TAFA2: variants seen among roughly 807,000 people sequenced by gnomAD.
TAFA2 encodes chemokine-like protein TAFA-2.
In TAFA2, 7 loss-of-function variants were observed where a neutral mutation model predicts 18.8. The ratio of observed to expected loss-of-function variants is 0.37; its 90% CI spans 0.21 to 0.70. The LOEUF is 0.70. Among genes scored for constraint, TAFA2 ranks in the 30% least tolerant of loss-of-function variants. The pLI is 0.53. For missense variants in TAFA2, 122 were observed against 158.1 expected, an observed-to-expected ratio of 0.77 and a Z score of 1.23; for synonymous variants, 60 against 54.2, an observed-to-expected ratio of 1.11 and a Z score of -0.47.
rs540047507 is a variant in TAFA2 at position 61,904,460 on chromosome 12, G to A, written c.-1-37034C>T. On this transcript the variant is annotated intron_variant, in intron 1 of 4. Transcript: ENST00000416284. Reference sequence around the variant, plus strand: ...ATGTTTCCTTCATGAAATATTCTTGGAGCAACCACTCTCCCAGGTGCTGTG... The same window carrying A: ...ATGTTTCCTTCATGAAATATTCTTGAAGCAACCACTCTCCCAGGTGCTGTG... Among the ~76,000 whole-genome samples the A allele has an allele frequency of 1.3e-4, 20 of 152,204 alleles. No individual in the cohort carries two copies. In the South Asian group the frequency reaches 4.2e-3, roughly 32 times the overall value.
At chr12:61,911,384 C>T (rs1876605697) in intron 1 of TAFA2, among the ~76,000 whole-genome samples, 1 of 152,182 alleles carries the variant, frequency 6.6e-6, no homozygotes, top group African/African-American at 2.4e-5. Flanking sequence ...TTATCTTACA[C>T]TCATTATTCC....
At chr12:62,054,888 TA>T (rs1419425571) in intron 1 of TAFA2, among the ~76,000 whole-genome samples, 1 of 152,216 alleles carries the variant, frequency 6.6e-6, no homozygotes, top group African/African-American at 2.4e-5. Flanking sequence ...TTTAAAACAG[TA>T]TTTTTTTATC....
chr12:61,815,837 T>A (rs945693644), intron 2 of TAFA2, among the ~76,000 whole-genome samples: 1 of 151,322 alleles, frequency 6.6e-6, no homozygotes, highest in African/African-American at 2.5e-5. Context: ...ATTGTGCATC[T>A]GCTTTTCTAA....
intron 1 of TAFA2, among the ~76,000 whole-genome samples, chr12:61,912,411 A>G (rs1174896188): frequency 6.6e-6 from 1 of 152,186 alleles, no homozygotes; most frequent in Non-Finnish European, 1.5e-5. Context: ...ACATTGTGAA[A>G]ATTAGTTTCA....
chr12:61,865,603 T>C (rs1874320504), intron 2 of TAFA2, among the ~76,000 whole-genome samples: 1 of 152,212 alleles, frequency 6.6e-6, no homozygotes, highest in South Asian at 2.1e-4. Context: ...TCAAGGACTA[T>C]TTTCTTGGCA....
At chr12:61,765,019 C>T (rs1005162984) in intron 2 of TAFA2, among the ~76,000 whole-genome samples, 2 of 152,046 alleles carry the variant, frequency 1.3e-5, no homozygotes, top group African/African-American at 2.4e-5. Context: ...AGGTTCAAGT[C>T]CCAGCTTTAG....
At chr12:61,934,827 C>T (rs193044681) in intron 1 of TAFA2, among the ~76,000 whole-genome samples, 71 of 152,222 alleles carry the variant, frequency 4.7e-4, no homozygotes, top group African/African-American at 1.5e-3. Flanking sequence ...AGTAAATAGA[C>T]CAAAGTCTAA....
chr12:61,921,343 T>G (rs1244500818), intron 1 of TAFA2, among the ~76,000 whole-genome samples: 1 of 152,102 alleles, frequency 6.6e-6, no homozygotes, highest in Non-Finnish European at 1.5e-5. Flanking sequence ...TGATGAGAAG[T>G]GTCCACTTAC....
intron 2 of TAFA2, among the ~76,000 whole-genome samples, chr12:61,802,584 T>C (rs919028009): frequency 6.6e-6 from 1 of 151,830 alleles, no homozygotes; most frequent in Non-Finnish European, 1.5e-5. Context: ...AGTAGAACTG[T>C]GGTTATCAAG....
intron 1 of TAFA2, among the ~76,000 whole-genome samples, chr12:61,936,385 G>A (rs532010745): frequency 6.6e-6 from 1 of 151,928 alleles, no homozygotes; most frequent in African/African-American, 2.4e-5. Context: ...TCACCAACAT[G>A]GTGAAACCCT....
chr12:61,799,715 G>C (rs200003282), intron 2 of TAFA2, among the ~76,000 whole-genome samples: 3 of 152,082 alleles, frequency 2.0e-5, no homozygotes, highest in Admixed American at 2.0e-4. Flanking sequence ...CCAGCTACTC[G>C]GGAGGCTGAG....
At chr12:62,010,385 T>G (rs939766385) in intron 1 of TAFA2, among the ~76,000 whole-genome samples, 29 of 152,142 alleles carry the variant, frequency 1.9e-4, no homozygotes, top group Non-Finnish European at 4.0e-4. Flanking sequence ...CTCCGGCTCC[T>G]GACCTCGAGT....
intron 2 of TAFA2, among the ~76,000 whole-genome samples, chr12:61,864,321 A>G (rs570736765): frequency 4.5e-4 from 68 of 150,914 alleles, no homozygotes; most frequent in African/African-American, 1.6e-3. Context: ...TAGGATCATC[A>G]GATAGAAATA....
chr12:61,910,667 G>C (rs1355708766), intron 1 of TAFA2, among the ~76,000 whole-genome samples: 2 of 152,202 alleles, frequency 1.3e-5, no homozygotes, highest in Non-Finnish European at 2.9e-5. Flanking sequence ...TTGTAGGCTG[G>C]TCAAAATAAC....
At chr12:62,008,857 A>C (rs1207464276) in intron 1 of TAFA2, among the ~76,000 whole-genome samples, 1 of 152,280 alleles carries the variant, frequency 6.6e-6, no homozygotes, top group Non-Finnish European at 1.5e-5. Flanking sequence ...GAGAGAACTG[A>C]CCTTTGAAAG....
At chr12:62,215,746 CA>C (rs200803405) in intron 1 of TAFA2, among the ~76,000 whole-genome samples, 1,582 of 72,472 alleles carry the variant, frequency 0.022, 48 homozygotes, top group African/African-American at 0.067. Context: ...ACTTGTTTCT[CA>C]AAAAAAAAAA....
chr12:61,955,624 AAAAAAAAAATATATATATATATATAT>A (rs1878644855), intron 1 of TAFA2, among the ~76,000 whole-genome samples: 4 of 28,986 alleles, frequency 1.4e-4, no homozygotes, highest in African/African-American at 3.2e-4. Context: ...AAAAAAAAAA[AAAAAAAAAATATATATATATATATAT>A]ATATATATAT....
At chr12:61,891,263 C>CAGAAGCAGAGGCAGCAGAAGCAGG (rs1203250142) in intron 1 of TAFA2, among the ~76,000 whole-genome samples, 33 of 152,058 alleles carry the variant, frequency 2.2e-4, no homozygotes, top group Non-Finnish European at 3.5e-4. Context: ...AAAGCAGCAG[C>CAGAAGCAGAGGCAGCAGAAGCAGG]AGAAGCAGAG....
intron 1 of TAFA2, among the ~76,000 whole-genome samples, chr12:61,987,399 G>T (rs2136684113): frequency 1.3e-5 from 2 of 152,244 alleles, no homozygotes; most frequent in Admixed American, 1.3e-4. Context: ...AACAGTTCTG[G>T]TCAACTCATC....
Sources: gnomAD v4.1 joint callset for allele counts (sites outside exome capture counted in the v4.1 genomes callset) on GRCh38, gnomAD v4.1.1 for gene constraint, MANE v1.5 for transcripts, NCBI Gene and HGNC (gene_info 2026-07-23, HGNC 2026-07-21) for gene names.